Variants in TSHZ1 observed in about 807,000 individuals in gnomAD.
TSHZ1 encodes teashirt zinc finger homeobox 1.
In TSHZ1, 12 loss-of-function variants were observed where a neutral mutation model predicts 67.1. That is an observed-to-expected ratio of 0.18 (90% CI 0.11 to 0.29). The LOEUF is 0.29. Ranked by LOEUF, TSHZ1 falls within the 10% of genes least tolerant of loss-of-function variation. The probability of loss-of-function intolerance (pLI) is 1.00; values close to 1 mark genes in which losing one functional copy is unlikely to be tolerated. For synonymous variants in TSHZ1, 632 were observed against 622.4 expected, an observed-to-expected ratio of 1.02 and a Z score of -0.23; for missense variants, 1,305 against 1,413.9, an observed-to-expected ratio of 0.92 and a Z score of 1.23.
intron 1 of TSHZ1, among the ~76,000 whole-genome samples, chr18:75,237,211 A>T (rs1205387130): frequency 6.6e-6 from 1 of 152,184 alleles, no homozygotes; most frequent in Non-Finnish European, 1.5e-5. Context: ...TGTTGCTGTC[A>T]TGTTCCATGT....
At chr18:75,265,930 GA>G (rs1295591489) in intron 1 of TSHZ1, among the ~76,000 whole-genome samples, 1 of 152,146 alleles carries the variant, frequency 6.6e-6, no homozygotes, top group Non-Finnish European at 1.5e-5. Flanking sequence ...TCGGATTTGG[GA>G]ATCAGTTTAC....
Position 75,288,915 on chromosome 18 carries a change from C to G in TSHZ1, c.*274C>G. The G allele has an allele frequency of 3.0e-6, 1 of 327,936 alleles. No homozygotes were observed. Among genetic ancestry groups the G allele is most frequent in the South Asian group, 9.7e-5 (1 of 10,336 alleles). 20.3% of individuals were successfully genotyped at this position (327,936 alleles called of 1,614,324 possible). On this transcript the variant is annotated 3_prime_UTR_variant, in exon 2 of 2. Transcript: ENST00000580243. This position sits in a 1 kb window ranked among gnomAD's most constrained non-coding sequence, Gnocchi z 4.9. The stretch of plus-strand genomic sequence containing the variant: ...GTAGGAAATAGTGGGGCACACTACT[C>G]AGAGACATTATTTAGCAGTAAAGAA...
chr18:75,256,380 C>G (rs1334320071), intron 1 of TSHZ1, among the ~76,000 whole-genome samples: 1 of 152,200 alleles, frequency 6.6e-6, no homozygotes, highest in Non-Finnish European at 1.5e-5. Flanking sequence ...AGCTGGGTCA[C>G]AGAGGTTTCT....
intron 1 of TSHZ1, among the ~76,000 whole-genome samples, chr18:75,276,172 G>A (rs2023611728): frequency 6.6e-6 from 1 of 152,156 alleles, no homozygotes; most frequent in Non-Finnish European, 1.5e-5. Context: ...GTGAGAGAAA[G>A]AAGAAATTAT....
intron 1 of TSHZ1, among the ~76,000 whole-genome samples, chr18:75,236,484 A>G (rs1223068517): frequency 6.6e-6 from 1 of 152,192 alleles, no homozygotes; most frequent in Non-Finnish European, 1.5e-5. Flanking sequence ...GATGGCGTTC[A>G]TTATTCTTTA....
chr18:75,229,746 C>T (rs1024433935), intron 1 of TSHZ1, among the ~76,000 whole-genome samples: 8 of 152,188 alleles, frequency 5.3e-5, no homozygotes, highest in African/African-American at 1.9e-4. Flanking sequence ...AAGTGCTAAC[C>T]CAAGTCAGGC....
rs75248533 is a variant in TSHZ1 at position 75,227,129 on chromosome 18, C to T, written c.40+15213C>T. Among the ~76,000 whole-genome samples, 1,020 of 152,258 alleles carry T rather than the reference C, an allele frequency of 6.7e-3. 3 individuals carry two copies. Among genetic ancestry groups the T allele is most frequent in the Non-Finnish European group, 0.011 (760 of 68,020 alleles). ...AAGGATTCAAGCCCTGAGTAATACT[C>T]AGTGAGACAAGGTCAGAGGCATAAA... is the stretch of plus-strand genomic sequence containing the variant. On this transcript the variant is annotated intron_variant, in intron 1 of 1. Transcript: ENST00000580243.
intron 1 of TSHZ1, among the ~76,000 whole-genome samples, chr18:75,276,605 C>G (rs1019407820): frequency 6.6e-6 from 1 of 152,202 alleles, no homozygotes; most frequent in Non-Finnish European, 1.5e-5. Context: ...TGAATCGAAG[C>G]TGTACATTCA....
chr18:75,232,043 C>T (rs907054276), intron 1 of TSHZ1, among the ~76,000 whole-genome samples: 4 of 151,912 alleles, frequency 2.6e-5, no homozygotes, highest in Non-Finnish European at 5.9e-5. Context: ...CTCAGCCTCC[C>T]GAGTAGCTAG....
At position 75,286,453 on chromosome 18, in the gene TSHZ1, C is replaced by G. The variant is rs1209758262; in HGVS notation, c.1046C>G (p.Pro349Arg). The change falls in exon 2 of 2, where the codon CCC (proline) becomes CGC (arginine). Residue 349 changes from proline to arginine, a missense_variant. Coordinates refer to ENST00000580243, the MANE Select transcript of TSHZ1 (RefSeq NM_001308210.2). The surrounding 1 kb of genome is among the most constrained non-coding windows in gnomAD (Gnocchi z 5.1). The stretch of plus-strand genomic sequence containing the variant: ...GTGCCAGCCATCACCAAACTGGTCC[C>G]CTCCACCAAAAAGCGGGCGCTTCAG... ...EPVPAITKLV[P>R]STKKRALQDL... The G allele has an allele frequency of 1.2e-6, 2 of 1,614,196 alleles. No homozygotes were observed.
At chr18:75,221,225 C>T (rs974835189) in intron 1 of TSHZ1, 1 of 152,120 alleles carries the variant, frequency 6.6e-6, no homozygotes, top group Non-Finnish European at 1.5e-5. Flanking sequence ...AAAGCAGGCA[C>T]GAAGGCATGG....
chr18:75,263,473 C>G (rs2023453991), intron 1 of TSHZ1, among the ~76,000 whole-genome samples: 1 of 151,932 alleles, frequency 6.6e-6, no homozygotes, highest in Non-Finnish European at 1.5e-5. Context: ...TTTATAAATC[C>G]CTTTTCTTGC....
chr18:75,252,877 C>T (rs1023020812), intron 1 of TSHZ1, among the ~76,000 whole-genome samples: 5 of 146,474 alleles, frequency 3.4e-5, no homozygotes, highest in African/African-American at 1.4e-4. Flanking sequence ...TTTCTACCCA[C>T]CCCCTGTGCC....
intron 1 of TSHZ1, among the ~76,000 whole-genome samples, chr18:75,250,604 A>G (rs2023289627): frequency 6.6e-6 from 1 of 152,188 alleles, no homozygotes; most frequent in South Asian, 2.1e-4. Context: ...CAGCACCTGC[A>G]TGAGGTCCCC....
At chr18:75,239,639 C>T (rs1322153314) in intron 1 of TSHZ1, among the ~76,000 whole-genome samples, 11 of 152,102 alleles carry the variant, frequency 7.2e-5, no homozygotes, top group Admixed American at 1.3e-4. Flanking sequence ...TAGCTGGGAC[C>T]GCAGATGTGT....
chr18:75,213,119 T>C (rs1234699470), intron 1 of TSHZ1, among the ~76,000 whole-genome samples: 1 of 152,202 alleles, frequency 6.6e-6, no homozygotes, highest in East Asian at 1.9e-4. Flanking sequence ...TATACGTGCT[T>C]TTTCTGGGGA....
At chr18:75,214,037 C>A (rs2022733946) in intron 1 of TSHZ1, among the ~76,000 whole-genome samples, 1 of 152,156 alleles carries the variant, frequency 6.6e-6, no homozygotes, top group Non-Finnish European at 1.5e-5. Context: ...AAATAGATTC[C>A]ATACTAGAAG....
At chr18:75,216,606 C>T (rs191914135) in intron 1 of TSHZ1, among the ~76,000 whole-genome samples, 23 of 152,320 alleles carry the variant, frequency 1.5e-4, no homozygotes, top group African/African-American at 5.5e-4. Flanking sequence ...TTTGTGTTGT[C>T]TTAGGTCAGA....
chr18:75,225,413 T>A (rs1041441026), intron 1 of TSHZ1, among the ~76,000 whole-genome samples: 1 of 152,260 alleles, frequency 6.6e-6, no homozygotes, highest in Non-Finnish European at 1.5e-5. Context: ...ATGTGATCGC[T>A]TCTGTCCGTG....
Sources: allele counts gnomAD v4.1 joint callset (sites outside exome capture counted in the v4.1 genomes callset), GRCh38; gene constraint gnomAD v4.1.1; non-coding constraint Gnocchi (gnomAD v3.1); transcripts MANE v1.5; gene names NCBI Gene and HGNC (gene_info 2026-07-23, HGNC 2026-07-21).